NAA38: variants seen among roughly 807,000 people sequenced by gnomAD.
The protein encoded by NAA38 is N-alpha-acetyltransferase 38, NatC auxiliary subunit, also known as LSM domain containing 1.
A neutral mutation model predicts 12.6 loss-of-function variants in NAA38; 15 were observed. That is an observed-to-expected ratio of 1.19 (90% CI 0.79 to 1.83). The LOEUF (loss-of-function observed/expected upper bound fraction) is 1.83, where lower values mean the gene tolerates loss of function less well. Ranked by LOEUF, NAA38 falls within the 40% of genes most tolerant of loss-of-function variation. The probability of loss-of-function intolerance (pLI) is 0.00; values close to 1 mark genes in which losing one functional copy is unlikely to be tolerated. For missense variants in NAA38, 183 were observed against 171.7 expected (o/e 1.07, Z -0.37); for synonymous variants, 88 against 69.9 (o/e 1.26, Z -1.29).
At chr17:7,884,822 A>T in intron 1 of NAA38, 1 of 773,032 alleles carries the variant, frequency 1.3e-6, no homozygotes, top group South Asian at 2.2e-5. Context: ...TTCCCCTCTG[A>T]GGGACGAGGA....
chr17:7,859,359 T>C (rs1440990176), upstream of NAA38: 9 of 1,593,152 alleles, frequency 5.6e-6, no homozygotes, highest in Non-Finnish European at 7.7e-6. Flanking sequence ...ATTCTGGGGG[T>C]GGGGTGCTTC....
intron 2 of NAA38, among the ~76,000 whole-genome samples, chr17:7,878,049 G>T (rs1288488008): frequency 6.6e-6 from 1 of 152,036 alleles, no homozygotes; most frequent in Non-Finnish European, 1.5e-5. Flanking sequence ...TTAGTAGCAT[G>T]CAAGATGCTT....
chr17:7,858,788 C>G, upstream of NAA38: 1 of 1,573,230 alleles, frequency 6.4e-7, no homozygotes, highest in Non-Finnish European at 8.6e-7. Flanking sequence ...GCATCCGCAT[C>G]ATTAACACGC....
chr17:7,878,981 G>A (rs1288973386), intron 2 of NAA38, among the ~76,000 whole-genome samples: 2 of 150,508 alleles, frequency 1.3e-5, no homozygotes, highest in East Asian at 3.9e-4. Flanking sequence ...TAAAATATAA[G>A]CATATATACA....
chr17:7,877,078 A>G (rs1341053844), intron 2 of NAA38: 2 of 380,756 alleles, frequency 5.3e-6, no homozygotes, highest in Non-Finnish European at 1.0e-5. Flanking sequence ...TTCATGAGGA[A>G]TTATTTCTTT....
At chr17:7,856,869 G>C (rs554694389) in intron 2 of NAA38, 26 bp from the exon 3 acceptor site, 3 of 1,611,104 alleles carry the variant, frequency 1.9e-6, no homozygotes, top group East Asian at 4.5e-5. Flanking sequence ...AGAGCATCAG[G>C]AAAGTAGGCC....
chr17:7,863,748 T>A lies in NAA38; in HGVS notation c.3+2743A>T, dbSNP rs1464621342. The A allele has an allele frequency of 2.0e-5, 3 of 151,984 alleles. No individual in the cohort carries two copies. The East Asian group carries it at 5.8e-4, about 29-fold the overall frequency. The allele number at this position is 151,984 out of a possible 1,614,324, so 9.4% of individuals were successfully genotyped here. On this transcript the variant is annotated intron_variant, in intron 3 of 4. Coordinates refer to the NAA38 transcript ENST00000576861. The stretch of plus-strand genomic sequence containing the variant: ...AAATAGCCCAACCCCCTACTCCTAC[T>A]CCTGAAATAGCACGCACACACACAC...
At chr17:7,858,032 C>G, upstream of NAA38, 1 of 1,540,678 alleles carries the variant, frequency 6.5e-7, no homozygotes, top group Non-Finnish European at 8.7e-7. Context: ...GATAAACGCT[C>G]TCCCCTCGGC....
At chr17:7,882,477 GAGA>G (rs1597885364) in intron 2 of NAA38, among the ~76,000 whole-genome samples, 1 of 152,140 alleles carries the variant, frequency 6.6e-6, no homozygotes, top group East Asian at 1.9e-4. Context: ...TCCAAGGGAT[GAGA>G]AGGATAGTCT....
chr17:7,862,858 G>A (rs538392848), upstream of NAA38: 1 of 152,258 alleles, frequency 6.6e-6, no homozygotes, highest in South Asian at 2.1e-4. Context: ...ATAGAGTCAG[G>A]GAGACAAGCC....
chr17:7,866,888 T>C (rs1057256646), intron 2 of NAA38, among the ~76,000 whole-genome samples: 1 of 152,142 alleles, frequency 6.6e-6, no homozygotes, highest in Non-Finnish European at 1.5e-5. Context: ...CCCAGAGCAG[T>C]CACTCAATAA....
chr17:7,882,323 C>T (rs1967288831), intron 2 of NAA38, among the ~76,000 whole-genome samples: 1 of 152,210 alleles, frequency 6.6e-6, no homozygotes, highest in South Asian at 2.1e-4. Context: ...CAGTATGATC[C>T]ACAGACACAC....
intron 3 of NAA38, chr17:7,866,351 G>A (rs983738047): frequency 3.6e-5 from 14 of 388,420 alleles, no homozygotes; most frequent in Middle Eastern, 8.2e-4. Flanking sequence ...CTCGTGATCC[G>A]CCCGCCTCGG....
intron 2 of NAA38, among the ~76,000 whole-genome samples, chr17:7,874,861 G>A (rs1036656569): frequency 2.1e-5 from 3 of 140,188 alleles, no homozygotes; most frequent in African/African-American, 5.4e-5. Flanking sequence ...CTCCAGCCTC[G>A]GCAATAAGAG....
intron 2 of NAA38, among the ~76,000 whole-genome samples, chr17:7,875,152 G>A (rs1201683894): frequency 2.0e-5 from 3 of 151,886 alleles, no homozygotes; most frequent in South Asian, 4.2e-4. Flanking sequence ...CTGTGATCAC[G>A]CCACTGCACT....
At chr17:7,861,599 T>C (rs2078883601), upstream of NAA38, 1 of 152,256 alleles carries the variant, frequency 6.6e-6, no homozygotes, top group South Asian at 2.1e-4. Context: ...CCTACTTCAA[T>C]GTCTCTTGCT....
At chr17:7,859,418 C>T (rs200220699), upstream of NAA38, 34 of 1,614,030 alleles carry the variant, frequency 2.1e-5, no homozygotes, top group Non-Finnish European at 2.7e-5. Flanking sequence ...AATCCTACAC[C>T]GCTATCTCCC....
chr17:7,859,187 A>G (rs1157599454), upstream of NAA38: 4 of 605,896 alleles, frequency 6.6e-6, no homozygotes, highest in African/African-American at 7.4e-5. Flanking sequence ...GCCATCCGGT[A>G]GTTAGAAGTG....
chr17:7,857,156 G>C lies in NAA38; in HGVS notation c.124C>G (p.Arg42Gly). The C allele has an allele frequency of 6.2e-7, 1 of 1,613,006 alleles. No individual in the cohort carries two copies. Among genetic ancestry groups the C allele is most frequent in the Non-Finnish European group, 8.5e-7 (1 of 1,180,014 alleles). ...TTGAGCAGCGCCTCTAGCTGCTGTC[G>C]GGCGCGCTCAGCCGCCGAGTCCTCG... ...EREDSAAERA[R>G]QQLEALLNKT... The change falls in exon 2 of 3, where the codon CGA (arginine) becomes GGA (glycine). Residue 42 changes from arginine (R) to glycine (G), a missense_variant. Physicochemically the swap from Arg to Gly is moderately radical, Grantham distance 125. Transcript: ENST00000575771.
Sources: allele counts gnomAD v4.1 joint callset (sites outside exome capture counted in the v4.1 genomes callset), GRCh38; gene constraint gnomAD v4.1.1; transcripts MANE v1.5; gene names NCBI Gene and HGNC (gene_info 2026-07-23, HGNC 2026-07-21).